PCDHGA2: variants seen among roughly 807,000 people sequenced by gnomAD.
PCDHGA2 encodes the protein protocadherin gamma-A2.
A neutral mutation model predicts 59.2 loss-of-function variants in PCDHGA2; 40 were observed. The ratio of observed to expected loss-of-function variants is 0.68; its 90% CI spans 0.52 to 0.88. PCDHGA2 has a LOEUF of 0.88. PCDHGA2 is among the 40% of genes least tolerant of loss of function. The pLI, the probability that PCDHGA2 is intolerant of heterozygous loss-of-function variation, is 0.00. For synonymous variants in PCDHGA2, 560 were observed against 526.0 expected (o/e 1.06, Z -0.89); for missense variants, 1,226 against 1,204.0 (o/e 1.02, Z -0.27).
intron 1 of PCDHGA2, among the ~76,000 whole-genome samples, chr5:141,448,831 G>C (rs985602153): frequency 4.6e-5 from 7 of 152,096 alleles, no homozygotes; most frequent in Non-Finnish European, 7.4e-5. Flanking sequence ...TGTAGTCCCA[G>C]CTACTCTGGA....
Position 141,344,493 on chromosome 5 carries a change from A to C in PCDHGA2, c.2424+3098A>C, listed in dbSNP as rs11575948. The C allele has an allele frequency of 0.096, 154,566 of 1,613,822 alleles. 9,080 individuals carry two copies. The highest frequency in any genetic ancestry group is 0.28 in the African/African-American group (21,061 of 74,946). ...AACGGTTCCTGGAACCCGATTTCCAATTAAAACTGCTTTTGACCCAGATGT... is the reference window on the plus strand; with the variant it reads ...AACGGTTCCTGGAACCCGATTTCCACTTAAAACTGCTTTTGACCCAGATGT... On this transcript the variant is annotated intron_variant, in intron 1 of 3. Transcript: ENST00000394576.
chr5:141,355,679 C>G (rs1759933363), intron 1 of PCDHGA2: 1 of 1,613,812 alleles, frequency 6.2e-7, no homozygotes. Flanking sequence ...GCTTTTGATC[C>G]GGATGTAGGT....
Position 141,491,733 on chromosome 5 carries a change from TG to T in PCDHGA2, c.2425-3069del. 6.2e-7 allele frequency: 1 copy of T among 1,602,698 alleles called. No individual in the cohort carries two copies. Among genetic ancestry groups the T allele is most frequent in the Non-Finnish European group, 8.5e-7 (1 of 1,175,258 alleles). On this transcript the variant is annotated intron_variant, in intron 1 of 3. Coordinates refer to ENST00000394576, the MANE Select transcript of PCDHGA2 (RefSeq NM_018915.4). This position sits in a 1 kb window ranked among gnomAD's most constrained non-coding sequence, Gnocchi z 6.9. ...GCTCGGCGCCGCCCCGGGCGACCCC[TG>T]GGGGCGGCACTGGAGAAGCCGCCCG...
intron 1 of PCDHGA2, chr5:141,365,501 C>T (rs1377875429): frequency 6.2e-7 from 1 of 1,613,806 alleles, no homozygotes; most frequent in African/African-American, 1.3e-5. Flanking sequence ...TAGGAATTTG[C>T]CTTTTAAATT....
rs369794418 is a variant in PCDHGA2, at chr5:141,497,143, G to A, written c.2483+2278G>A. Among the ~76,000 whole-genome samples the A allele has an allele frequency of 7.3e-5, 11 of 150,108 alleles. No individual in the cohort carries two copies. In the East Asian group the frequency reaches 1.6e-3, roughly 21 times the overall value. On this transcript the variant is annotated intron_variant, in intron 2 of 3. Coordinates refer to ENST00000394576, the MANE Select transcript of PCDHGA2 (RefSeq NM_018915.4). ...AGAGGTTGCAGTGAGCTGAGATCAC[G>A]AAAAAAAAATAATCTAGCCACAAAT...
chr5:141,438,591 C>CATAT (rs946798767), intron 1 of PCDHGA2, among the ~76,000 whole-genome samples: 211 of 75,392 alleles, frequency 2.8e-3, no homozygotes, highest in Non-Finnish European at 4.1e-3. Context: ...TACATACATA[C>CATAT]ATATATATAT....
Position 141,398,701 on chromosome 5 carries a change from C to T in PCDHGA2, c.2424+57306C>T, listed in dbSNP as rs757215015. On this transcript the variant is annotated intron_variant, in intron 1 of 3. Transcript: ENST00000394576. Reference sequence around the variant, plus strand: ...GGAGAAACAGGATGGTAGTAAATACCCGGAACTGGCACTGGAGAAAACCTT... The same window carrying T: ...GGAGAAACAGGATGGTAGTAAATACTCGGAACTGGCACTGGAGAAAACCTT... The T allele has an allele frequency of 1.2e-5, 20 of 1,613,658 alleles. No homozygotes were observed. In the Admixed American group the frequency reaches 3.3e-4, roughly 27 times the overall value.
At chr5:141,344,871 A>G in intron 1 of PCDHGA2, 1 of 1,613,970 alleles carries the variant, frequency 6.2e-7, no homozygotes, top group Non-Finnish European at 8.5e-7. Flanking sequence ...AGTGTCTTAT[A>G]TTCTAGATAA....
intron 1 of PCDHGA2, chr5:141,354,992 G>A: frequency 1.5e-6 from 1 of 650,704 alleles, no homozygotes; most frequent in Non-Finnish European, 2.4e-6. Flanking sequence ...TCACCAATCA[G>A]GGGGAAAAGA....
At chr5:141,417,517 T>C (rs2096127273) in intron 1 of PCDHGA2, 1 of 255,788 alleles carries the variant, frequency 3.9e-6, no homozygotes, top group East Asian at 7.9e-5. Flanking sequence ...ATATTTTGGC[T>C]GTCAACTCGT....
In PCDHGA2 at chr5:141,489,068, G is replaced by GGC; in HGVS notation, c.2425-5739_2425-5738insGC. 1 of 291,558 alleles carries GGC rather than the reference G, an allele frequency of 3.4e-6. No individual in the cohort carries two copies. The allele number at this position is 291,558 out of a possible 1,614,324, so 18.1% of individuals were successfully genotyped here. ...CTCAAATTCAGCTCCCCTCCCCCCT[G>GGC]CCCACCCCCGCCACTCGGTGACTAA... On this transcript the variant is annotated intron_variant, in intron 1 of 3. Transcript: ENST00000394576. The surrounding 1 kb of genome is among the most constrained non-coding windows in gnomAD (Gnocchi z 4.5).
rs534187376 is a variant in PCDHGA2 at position 141,512,974 on chromosome 5, A to G, written c.*1801A>G. ...AAAATAATAAAACGTTTCTTCTGAA[A>G]AGCTGAACGTTTCTGTATAAGCGAT... is the stretch of plus-strand genomic sequence containing the variant. On this transcript the variant is annotated 3_prime_UTR_variant, in exon 4 of 4. Transcript: ENST00000394576. The G allele has an allele frequency of 6.6e-6, 1 of 152,362 alleles. No individual in the cohort carries two copies. Among genetic ancestry groups the G allele is most frequent in the South Asian group, 2.1e-4 (1 of 4,826 alleles). The allele number at this position is 152,362 out of a possible 1,614,324, so 9.4% of individuals were successfully genotyped here. A position where few individuals can be genotyped will look rare whatever the true frequency, so the allele number is the denominator to read the frequency against.
At chr5:141,435,214 AC>A (rs1332585721) in intron 1 of PCDHGA2, among the ~76,000 whole-genome samples, 1 of 152,176 alleles carries the variant, frequency 6.6e-6, no homozygotes, top group African/African-American at 2.4e-5. Flanking sequence ...AAGTGAATTT[AC>A]TTTCTTTCAA....
intron 1 of PCDHGA2, chr5:141,383,239 A>G: frequency 6.2e-7 from 1 of 1,613,966 alleles, no homozygotes; most frequent in Non-Finnish European, 8.5e-7. Flanking sequence ...GGAAGATAAA[A>G]TGAATCTTTA....
rs1354607645 is a variant in PCDHGA2, at chr5:141,433,848, A to C, written c.2425-60959A>C. Among the ~76,000 whole-genome samples, 4 of 152,082 alleles carry C rather than the reference A, an allele frequency of 2.6e-5. No individual in the cohort carries two copies. In the East Asian group the frequency reaches 5.8e-4, roughly 22 times the overall value. ...GTGAAACTCTATCTCAAAAAAAAAA[A>C]AAAAAAACTTTATCCTCTAGTTTCA... On this transcript the variant is annotated intron_variant, in intron 1 of 3. Coordinates refer to ENST00000394576, the MANE Select transcript of PCDHGA2 (RefSeq NM_018915.4).
At position 141,477,107 on chromosome 5, in the gene PCDHGA2, C is replaced by A. The variant is rs1431445150; in HGVS notation, c.2425-17700C>A. ...CCAGGCCAAAGACAAGGGCGCCAAT[C>A]CCGAAGGAGCACATTGCAAAGTGTT... On this transcript the variant is annotated intron_variant, in intron 1 of 3. Coordinates refer to ENST00000394576, the MANE Select transcript of PCDHGA2 (RefSeq NM_018915.4). This position sits in a 1 kb window ranked among gnomAD's most constrained non-coding sequence, Gnocchi z 4.9. 1 of 1,614,252 alleles carries A rather than the reference C, an allele frequency of 6.2e-7. No homozygotes were observed. The highest frequency in any genetic ancestry group is 8.5e-7 in the Non-Finnish European group (1 of 1,180,048).
intron 1 of PCDHGA2, chr5:141,387,615 A>G: frequency 3.5e-6 from 2 of 564,798 alleles, no homozygotes; most frequent in South Asian, 2.4e-5. Flanking sequence ...GTAGTTTCCT[A>G]GTGCTGACTC....
intron 1 of PCDHGA2, among the ~76,000 whole-genome samples, chr5:141,380,002 C>A (rs1238165554): frequency 6.9e-6 from 1 of 143,940 alleles, no homozygotes; most frequent in Non-Finnish European, 1.5e-5. Flanking sequence ...TGGGTTCAAG[C>A]GATTCTCCTG....
intron 1 of PCDHGA2, chr5:141,395,542 TTGTG>T (rs55729045): frequency 0.22 from 37,255 of 170,042 alleles, 4,387 homozygotes; most frequent in East Asian, 0.36. Flanking sequence ...TTGCTATTGT[TTGTG>T]TGTGTGTGTG....
Sources: allele counts gnomAD v4.1 joint callset (sites outside exome capture counted in the v4.1 genomes callset), GRCh38; gene constraint gnomAD v4.1.1; non-coding constraint Gnocchi (gnomAD v3.1); transcripts MANE v1.5; gene names NCBI Gene and HGNC (gene_info 2026-07-23, HGNC 2026-07-21).